Variants in MARK1 observed in about 807,000 individuals in gnomAD.
MARK1 encodes serine/threonine-protein kinase MARK1.
MARK1 carries 40 observed loss-of-function variants against 96.3 expected under a neutral mutation model. That is an observed-to-expected ratio of 0.42 (90% CI 0.32 to 0.54). The LOEUF (loss-of-function observed/expected upper bound fraction) is 0.54, where lower values mean the gene tolerates loss of function less well. MARK1 is among the 20% of genes least tolerant of loss of function. The pLI is 0.16. For missense variants in MARK1, 719 were observed against 984.6 expected (o/e 0.73, Z 3.61); for synonymous variants, 317 against 341.2 (o/e 0.93, Z 0.78).
intron 1 of MARK1, among the ~76,000 whole-genome samples, chr1:220,563,454 C>T (rs1313187179): frequency 2.2e-4 from 34 of 151,894 alleles, no homozygotes; most frequent in Admixed American, 2.0e-3. Flanking sequence ...GGAATCAGGA[C>T]TATAGAAGTA....
intron 3 of MARK1, among the ~76,000 whole-genome samples, chr1:220,586,011 A>ACACACGCACGCGCG (rs112968910): frequency 1.0e-4 from 15 of 148,634 alleles, no homozygotes; most frequent in Admixed American, 4.0e-4. Flanking sequence ...ACACACACAC[A>ACACACGCACGCGCG]CGCGCGCGTG....
At chr1:220,529,119 C>T (rs981929455) in intron 1 of MARK1, among the ~76,000 whole-genome samples, 10 of 152,214 alleles carry the variant, frequency 6.6e-5, no homozygotes, top group African/African-American at 2.4e-4. Context: ...CGGAGGTGGT[C>T]CTCCAGGGGC....
chr1:220,541,838 A>T (rs148201239), intron 1 of MARK1, among the ~76,000 whole-genome samples: 59 of 152,344 alleles, frequency 3.9e-4, no homozygotes, highest in Non-Finnish European at 6.9e-4. Context: ...AATCCATTCA[A>T]CAATTCTGTC....
intron 6 of MARK1, among the ~76,000 whole-genome samples, chr1:220,611,412 G>C (rs1050307041): frequency 1.3e-5 from 2 of 152,242 alleles, no homozygotes; most frequent in Non-Finnish European, 1.5e-5. Flanking sequence ...TTGTCTGCTG[G>C]TTGCTAAGAC....
At chr1:220,560,891 G>A (rs1662623918) in intron 1 of MARK1, among the ~76,000 whole-genome samples, 1 of 152,146 alleles carries the variant, frequency 6.6e-6, no homozygotes, top group Non-Finnish European at 1.5e-5. Flanking sequence ...AGTCCTCATT[G>A]GGATCTGTGA....
At chr1:220,587,968 G>T (rs372118348) in intron 3 of MARK1, among the ~76,000 whole-genome samples, 1 of 152,062 alleles carries the variant, frequency 6.6e-6, no homozygotes, top group South Asian at 2.1e-4. Flanking sequence ...ATGTCAAATT[G>T]CTCTCCAGTG....
intron 4 of MARK1, 39 bp downstream of exon 4, chr1:220,598,418 A>ATATATAT: frequency 8.7e-6 from 2 of 229,298 alleles, no homozygotes; most frequent in Non-Finnish European, 1.8e-5. Context: ...ATATATATAT[A>ATATATAT]ATTAGCGATG....
chr1:220,529,311 C>T (rs189149223), intron 1 of MARK1, among the ~76,000 whole-genome samples: 1 of 152,184 alleles, frequency 6.6e-6, no homozygotes, highest in Non-Finnish European at 1.5e-5. Flanking sequence ...TTGCACTCTC[C>T]CCTCCTCCCC....
At chr1:220,574,740 T>C (rs1484540717) in intron 1 of MARK1, among the ~76,000 whole-genome samples, 2 of 152,200 alleles carry the variant, frequency 1.3e-5, no homozygotes, top group African/African-American at 4.8e-5. Context: ...TACAAACTAT[T>C]CTTTGTTGGA....
At chr1:220,561,511 G>A (rs1385732431) in intron 1 of MARK1, among the ~76,000 whole-genome samples, 2 of 152,084 alleles carry the variant, frequency 1.3e-5, no homozygotes, top group African/African-American at 4.8e-5. Flanking sequence ...TCTGTGACAA[G>A]ATTTACTTAG....
intron 1 of MARK1, among the ~76,000 whole-genome samples, chr1:220,532,075 G>C (rs1429141478): frequency 6.6e-6 from 1 of 152,010 alleles, no homozygotes; most frequent in Non-Finnish European, 1.5e-5. Flanking sequence ...GCTCAGCCTA[G>C]CTTTCTGTGA....
At chr1:220,548,415 TATTAA>T (rs1350382331) in intron 1 of MARK1, among the ~76,000 whole-genome samples, 2 of 152,176 alleles carry the variant, frequency 1.3e-5, no homozygotes, top group South Asian at 2.1e-4. Context: ...ACTACTATAG[TATTAA>T]ATTAAATCAA....
At chr1:220,655,617 A>G (rs539759919) in intron 16 of MARK1, among the ~76,000 whole-genome samples, 50 of 152,300 alleles carry the variant, frequency 3.3e-4, no homozygotes, top group African/African-American at 1.2e-3. Context: ...CAGCATTTCC[A>G]GGATTTAACT....
At chr1:220,639,657 A>G (rs931019025) in intron 13 of MARK1, among the ~76,000 whole-genome samples, 2 of 152,180 alleles carry the variant, frequency 1.3e-5, no homozygotes, top group Non-Finnish European at 2.9e-5. Context: ...TCCTCAGTCC[A>G]TGACACAGTC....
chr1:220,548,373 T>C (rs1661640293), intron 1 of MARK1, among the ~76,000 whole-genome samples: 1 of 152,264 alleles, frequency 6.6e-6, no homozygotes, highest in Admixed American at 6.5e-5. Context: ...TTACTAAATA[T>C]AACTGAAATG....
chr1:220,582,784 A>G (rs561317798), intron 3 of MARK1, among the ~76,000 whole-genome samples: 8 of 152,376 alleles, frequency 5.3e-5, no homozygotes, highest in African/African-American at 1.9e-4. Context: ...AATTTCTGTC[A>G]TAAAATCTAC....
At chr1:220,582,572 C>T (rs144489237) in intron 3 of MARK1, among the ~76,000 whole-genome samples, 1 of 29,302 alleles carries the variant, frequency 3.4e-5, no homozygotes, top group African/African-American at 6.3e-5. Context: ...GTGGGTTACT[C>T]TGGCAAATTG....
rs943781721 is a variant in MARK1 at position 220,618,639 on chromosome 1, C to T, written c.793C>T (p.Leu265=). ...GCTTTCTTTCACTTTTATTAAGGAACTGCGAGAGCGAGTTTTACGAGGGAA... is the reference window on the plus strand; with the variant it reads ...GCTTTCTTTCACTTTTATTAAGGAATTGCGAGAGCGAGTTTTACGAGGGAA... ...LPFDGQNLKE[L]RERVLRGKYR... The change falls in exon 9 of 18, where the codon CTG becomes TTG. Residue 265 remains leucine, a synonymous_variant. Coordinates refer to ENST00000366917, the MANE Select transcript of MARK1 (RefSeq NM_018650.5). The surrounding 1 kb of genome is among the most constrained non-coding windows in gnomAD (Gnocchi z 4.6). 1.2e-6 allele frequency: 2 copies of T among 1,613,690 alleles called. No individual in the cohort carries two copies. The highest frequency in any genetic ancestry group is 1.7e-5 in the Admixed American group (1 of 59,922).
intron 9 of MARK1, among the ~76,000 whole-genome samples, chr1:220,624,134 C>T (rs983779788): frequency 7.3e-5 from 11 of 149,682 alleles, no homozygotes; most frequent in Non-Finnish European, 1.3e-4. Context: ...CCCGTCTCTA[C>T]TAAAAATACA....
Sources: allele counts gnomAD v4.1 joint callset (sites outside exome capture counted in the v4.1 genomes callset), GRCh38; gene constraint gnomAD v4.1.1; non-coding constraint Gnocchi (gnomAD v3.1); transcripts MANE v1.5; gene names NCBI Gene and HGNC (gene_info 2026-07-23, HGNC 2026-07-21).